Variants in NCOA7 observed in about 807,000 individuals in gnomAD.
The protein encoded by NCOA7 is 140 kDa estrogen receptor-associated protein.
In NCOA7, 45 loss-of-function variants were observed where a neutral mutation model predicts 104.3. That is an observed-to-expected ratio of 0.43 (90% CI 0.34 to 0.55). The LOEUF is 0.55. NCOA7 is among the 20% of genes least tolerant of loss of function. The pLI is 0.02. For synonymous variants in NCOA7, 398 were observed against 402.3 expected (o/e 0.99, Z 0.13); for missense variants, 1,041 against 1,119.7 (o/e 0.93, Z 1.00).
Position 125,928,246 on chromosome 6 carries a change from G to A in NCOA7, c.2692G>A (p.Gly898Arg), listed in dbSNP as rs1421745718. ...AAGTTCTTTAGAACTTGGTGGTGGA[G>A]GGTAAGGTTTTTTTTGTTTTTGTTT... is the stretch of plus-strand genomic sequence containing the variant. ...DISSLELGGGGGRFGLWLDAD... is the reference protein window; with the variant it reads ...DISSLELGGGRGRFGLWLDAD... Residue 898 changes from glycine (G) to arginine (R), a missense_variant and splice_region_variant, in exon 15 of 16, where the codon GGG becomes AGG. Physicochemically the swap from Gly to Arg is moderately radical, Grantham distance 125. Coordinates refer to ENST00000392477, the MANE Select transcript of NCOA7 (RefSeq NM_181782.5). 2.5e-6 allele frequency: 4 copies of A among 1,605,276 alleles called. No individual in the cohort carries two copies. Among genetic ancestry groups the A allele is most frequent in the Non-Finnish European group, 3.4e-6 (4 of 1,177,938 alleles).
At chr6:125,811,791 T>C (rs1323998434) in intron 1 of NCOA7, among the ~76,000 whole-genome samples, 1 of 152,178 alleles carries the variant, frequency 6.6e-6, no homozygotes, top group African/African-American at 2.4e-5. Flanking sequence ...ACGTCACTAA[T>C]GCAGTCCCGT....
chr6:125,868,669 G>C (rs1782629994), intron 3 of NCOA7, among the ~76,000 whole-genome samples: 2 of 152,180 alleles, frequency 1.3e-5, no homozygotes, highest in Admixed American at 1.3e-4. Flanking sequence ...GAATGGATCT[G>C]TTTCCATTAT....
At chr6:125,851,837 A>G (rs1362169755) in intron 2 of NCOA7, among the ~76,000 whole-genome samples, 1 of 151,776 alleles carries the variant, frequency 6.6e-6, no homozygotes, top group South Asian at 2.1e-4. Flanking sequence ...TATCTCCCCG[A>G]TGATTCGTGA....
chr6:125,847,229 C>G (rs1031730018), intron 2 of NCOA7, among the ~76,000 whole-genome samples: 1 of 152,138 alleles, frequency 6.6e-6, no homozygotes, highest in Admixed American at 6.5e-5. Flanking sequence ...TCTCTCTAAT[C>G]TCTTGCAAAT....
intron 4 of NCOA7, chr6:125,875,247 C>A: frequency 3.3e-6 from 1 of 307,540 alleles, no homozygotes; most frequent in Non-Finnish European, 6.4e-6. Flanking sequence ...GCTGACTAGG[C>A]AGGTATCCCT....
intron 12 of NCOA7, among the ~76,000 whole-genome samples, chr6:125,922,328 G>A (rs1047725699): frequency 6.6e-6 from 1 of 152,120 alleles, no homozygotes; most frequent in Non-Finnish European, 1.5e-5. Context: ...AGAAAAATTG[G>A]GAAAATATGA....
At chr6:125,850,882 A>AT (rs1483085830) in intron 2 of NCOA7, among the ~76,000 whole-genome samples, 1 of 152,192 alleles carries the variant, frequency 6.6e-6, no homozygotes, top group Non-Finnish European at 1.5e-5. Context: ...TGGTATCTAG[A>AT]TTGCTGCAGA....
chr6:125,824,828 G>A (rs1035966294), intron 2 of NCOA7, among the ~76,000 whole-genome samples: 6 of 151,962 alleles, frequency 3.9e-5, no homozygotes, highest in Admixed American at 6.6e-5. Context: ...GCGTGATCTC[G>A]GCTCACTGCA....
At chr6:125,856,815 G>T (rs1781601918) in intron 3 of NCOA7, among the ~76,000 whole-genome samples, 1 of 152,208 alleles carries the variant, frequency 6.6e-6, no homozygotes, top group African/African-American at 2.4e-5. Context: ...TTGTAACAGA[G>T]TAATGACACT....
chr6:125,832,044 A>T (rs547546599), intron 2 of NCOA7, among the ~76,000 whole-genome samples: 61 of 152,348 alleles, frequency 4.0e-4, no homozygotes, highest in African/African-American at 1.4e-3. Flanking sequence ...TATTACAGAC[A>T]TGAGCCGCCA....
chr6:125,810,664 T>G (rs1776912402), intron 1 of NCOA7, among the ~76,000 whole-genome samples: 1 of 152,230 alleles, frequency 6.6e-6, no homozygotes, highest in South Asian at 2.1e-4. Context: ...GCTCTGGTTC[T>G]TCACTGAAGC....
intron 2 of NCOA7, 122 bp from the exon 3 acceptor site, chr6:125,854,898 A>G: frequency 1.6e-6 from 1 of 644,960 alleles, no homozygotes; most frequent in South Asian, 2.0e-5. Flanking sequence ...GAACCATATT[A>G]TAAGGAAAGT....
chr6:125,927,791 A>T lies in NCOA7; in HGVS notation c.2619+33A>T, dbSNP rs764394637. ...GATAGGAGAAATATCCAACTCCCAT[A>T]TGTCACAGTGTCCTCAGTTGGGGAA... is the stretch of plus-strand genomic sequence containing the variant. On this transcript the variant is annotated intron_variant, in intron 14 of 15. Transcript: ENST00000392477. 2.7e-6 allele frequency: 4 copies of T among 1,507,968 alleles called. No individual in the cohort carries two copies. In the South Asian group the frequency reaches 4.5e-5, roughly 17 times the overall value. 93.4% of individuals were successfully genotyped at this position (1,507,968 alleles called of 1,614,324 possible). A position where few individuals can be genotyped will look rare whatever the true frequency, so the allele number is the denominator to read the frequency against.
chr6:125,812,106 G>A (rs954663819), intron 1 of NCOA7, among the ~76,000 whole-genome samples: 1 of 152,184 alleles, frequency 6.6e-6, no homozygotes, highest in African/African-American at 2.4e-5. Flanking sequence ...AGATAACATA[G>A]GGATAATATG....
intron 3 of NCOA7, among the ~76,000 whole-genome samples, chr6:125,860,489 A>C (rs1270565325): frequency 2.0e-5 from 3 of 152,168 alleles, no homozygotes; most frequent in Non-Finnish European, 2.9e-5. Flanking sequence ...ATGAGATTAC[A>C]GGCACACGCC....
chr6:125,793,840 G>T (rs1454236106), intron 1 of NCOA7, among the ~76,000 whole-genome samples: 4 of 152,158 alleles, frequency 2.6e-5, no homozygotes. Context: ...AATACATAAA[G>T]AGTGATTGTT....
Position 125,852,743 on chromosome 6 carries a change from C to T in NCOA7, c.51-2277C>T, listed in dbSNP as rs527880701. Among the ~76,000 whole-genome samples, 4 of 152,180 alleles carry T rather than the reference C, an allele frequency of 2.6e-5. No homozygotes were observed. The East Asian group carries it at 7.7e-4, about 29-fold the overall frequency. Reference sequence around the variant, plus strand: ...GAGTATTTGGCTTTATTTCTGGGTTCTTTATTCTGTTCCATTGCAATGTCT... The same window carrying T: ...GAGTATTTGGCTTTATTTCTGGGTTTTTTATTCTGTTCCATTGCAATGTCT... On this transcript the variant is annotated intron_variant, in intron 2 of 15. Transcript: ENST00000392477.
intron 10 of NCOA7, among the ~76,000 whole-genome samples, chr6:125,898,944 C>T (rs1169425726): frequency 2.6e-5 from 4 of 152,098 alleles, no homozygotes; most frequent in Non-Finnish European, 5.9e-5. Flanking sequence ...GAACTAACTA[C>T]AATTCATTTT....
At chr6:125,864,022 G>GC (rs1782249020) in intron 3 of NCOA7, among the ~76,000 whole-genome samples, 1 of 110,306 alleles carries the variant, frequency 9.1e-6, no homozygotes, top group Non-Finnish European at 2.0e-5. Context: ...AGGTTTTTTT[G>GC]GGGGGGGCAG....
Sources: allele counts gnomAD v4.1 joint callset (sites outside exome capture counted in the v4.1 genomes callset), GRCh38; gene constraint gnomAD v4.1.1; transcripts MANE v1.5; gene names NCBI Gene and HGNC (gene_info 2026-07-23, HGNC 2026-07-21).